Variants in NDUFAF2 observed in about 807,000 individuals in gnomAD.
NDUFAF2 encodes the protein NADH dehydrogenase [ubiquinone] 1 alpha subcomplex assembly factor 2.
Under a neutral mutation model 22.8 loss-of-function variants are expected in NDUFAF2, and 13 were observed. The observed-to-expected ratio is 0.57, with a 90% confidence interval of 0.37 to 0.91. NDUFAF2 has a LOEUF of 0.91. Ranked by LOEUF, NDUFAF2 falls within the 40% of genes least tolerant of loss-of-function variation. NDUFAF2 has a pLI of 0.01. For missense variants in NDUFAF2, 162 were observed against 195.2 expected (o/e 0.83, Z 1.01); for synonymous variants, 53 against 64.2 (o/e 0.83, Z 0.84).
In NDUFAF2 at chr5:61,034,910, A is replaced by ATGTG. The variant is rs200108799; in HGVS notation, c.128-38214_128-38213insGTGT. On this transcript the variant is annotated intron_variant, in intron 1 of 3. Coordinates refer to ENST00000296597, the MANE Select transcript of NDUFAF2 (RefSeq NM_174889.5). Reference sequence around the variant, plus strand: ...TGGGTTTTTTTAGGTAGGCAAATATATATGTGTGTGTGTGTGTGTGTGTGT... The same window carrying ATGTG: ...TGGGTTTTTTTAGGTAGGCAAATATATGTGTATGTGTGTGTGTGTGTGTGTGTGT... Among the ~76,000 whole-genome samples, 310 of 89,474 alleles carry ATGTG rather than the reference A, an allele frequency of 3.5e-3. 1 individual carries two copies. Among genetic ancestry groups the ATGTG allele is most frequent in the South Asian group, 0.022 (55 of 2,484 alleles). 58.7% of individuals were successfully genotyped at this position (89,474 alleles called of 152,430 possible).
At chr5:61,134,203 G>T (rs1324608184) in intron 3 of NDUFAF2, among the ~76,000 whole-genome samples, 1 of 152,050 alleles carries the variant, frequency 6.6e-6, no homozygotes, top group South Asian at 2.1e-4. Flanking sequence ...TGTAAGGGTG[G>T]AGAAAGAGAT....
intron 1 of NDUFAF2, among the ~76,000 whole-genome samples, chr5:60,990,334 G>A (rs1430580227): frequency 6.6e-6 from 1 of 152,042 alleles, no homozygotes; most frequent in Non-Finnish European, 1.5e-5. Context: ...GTCAGGTGAT[G>A]GATATCCTAT....
At chr5:60,968,537 G>GTT (rs1750787233) in intron 1 of NDUFAF2, among the ~76,000 whole-genome samples, 1 of 150,378 alleles carries the variant, frequency 6.6e-6, no homozygotes, top group Admixed American at 6.6e-5. Context: ...TTCCATTTTT[G>GTT]TTTTTTGAAA....
chr5:60,962,688 C>G (rs1031194115), intron 1 of NDUFAF2, among the ~76,000 whole-genome samples: 2 of 151,642 alleles, frequency 1.3e-5, no homozygotes, highest in African/African-American at 4.8e-5. Context: ...AAAAAATTAG[C>G]CAGGCCTGGT....
At chr5:61,040,272 A>G (rs891963092) in intron 1 of NDUFAF2, among the ~76,000 whole-genome samples, 31 of 119,844 alleles carry the variant, frequency 2.6e-4, no homozygotes, top group African/African-American at 1.2e-3. Flanking sequence ...ACACACACAC[A>G]CACACACACA....
At chr5:61,141,019 G>C (rs1482495831) in intron 3 of NDUFAF2, among the ~76,000 whole-genome samples, 1 of 152,140 alleles carries the variant, frequency 6.6e-6, no homozygotes, top group Non-Finnish European at 1.5e-5. Flanking sequence ...ACCTGAGATA[G>C]GAGTTGGAGA....
chr5:60,971,501 A>G (rs1750829454), intron 1 of NDUFAF2, among the ~76,000 whole-genome samples: 1 of 151,658 alleles, frequency 6.6e-6, no homozygotes, highest in African/African-American at 2.4e-5. Context: ...GTTAGCCAGG[A>G]TGGTCTCGAT....
intron 1 of NDUFAF2, among the ~76,000 whole-genome samples, chr5:61,056,912 AAAAAAAAATATATATATATATAT>A (rs1752103007): frequency 2.4e-5 from 1 of 41,190 alleles, no homozygotes; most frequent in African/African-American, 9.0e-5. Flanking sequence ...AAAAAAAAAA[AAAAAAAAATATATATATATATAT>A]ATATATATAT....
intron 3 of NDUFAF2, among the ~76,000 whole-genome samples, chr5:61,122,357 G>T (rs1445803654): frequency 6.6e-6 from 1 of 152,084 alleles, no homozygotes; most frequent in Non-Finnish European, 1.5e-5. Flanking sequence ...CTAATGAACT[G>T]GTATATAAAG....
rs1580127721 is a variant in NDUFAF2 at position 61,085,983 on chromosome 5, T to C, written c.217+12769T>C. Among the ~76,000 whole-genome samples the C allele has an allele frequency of 5.9e-5, 9 of 152,030 alleles. 1 individual carries two copies. In the South Asian group the frequency reaches 1.9e-3, roughly 32 times the overall value. On this transcript the variant is annotated intron_variant, in intron 2 of 3. Transcript: ENST00000296597. ...TAAGCACTTTAGCCAGGTGTGGTGG[T>C]GTGCACCTGTAGTCTTTCCAGCCTA...
At chr5:61,011,643 T>C (rs1751443751) in intron 1 of NDUFAF2, among the ~76,000 whole-genome samples, 1 of 152,086 alleles carries the variant, frequency 6.6e-6, no homozygotes, top group South Asian at 2.1e-4. Context: ...TTCTTCAGCC[T>C]CCCAACAATT....
intron 1 of NDUFAF2, among the ~76,000 whole-genome samples, chr5:60,987,277 A>G (rs995309093): frequency 2.0e-5 from 3 of 152,208 alleles, no homozygotes; most frequent in Non-Finnish European, 2.9e-5. Context: ...AAACTGAATC[A>G]GTAATAAATA....
At chr5:61,029,080 C>T (rs1431180208) in intron 1 of NDUFAF2, among the ~76,000 whole-genome samples, 1 of 152,012 alleles carries the variant, frequency 6.6e-6, no homozygotes, top group Non-Finnish European at 1.5e-5. Flanking sequence ...AAGTGTATAT[C>T]TTTACCCACT....
chr5:61,017,504 C>G (rs527681245), intron 1 of NDUFAF2, among the ~76,000 whole-genome samples: 21 of 142,076 alleles, frequency 1.5e-4, no homozygotes, highest in Admixed American at 1.2e-3. Context: ...TTTCAGAAAG[C>G]AAAAGTGTGG....
At chr5:61,151,005 T>G (rs1741230172) in intron 3 of NDUFAF2, among the ~76,000 whole-genome samples, 1 of 152,190 alleles carries the variant, frequency 6.6e-6, no homozygotes, top group East Asian at 1.9e-4. Context: ...AATTGCTATG[T>G]GTTGTGAAAA....
At chr5:61,066,365 T>C (rs1580119692) in intron 1 of NDUFAF2, among the ~76,000 whole-genome samples, 2 of 152,122 alleles carry the variant, frequency 1.3e-5, no homozygotes, top group East Asian at 3.9e-4. Context: ...ATCCTAAAAT[T>C]TGTATAGAAC....
intron 1 of NDUFAF2, among the ~76,000 whole-genome samples, chr5:60,945,768 G>A (rs1038183775): frequency 6.6e-6 from 1 of 152,252 alleles, no homozygotes; most frequent in Non-Finnish European, 1.5e-5. Context: ...CACCAAAGGG[G>A]CTAGAAGGGC....
chr5:61,063,692 T>C (rs936372389), intron 1 of NDUFAF2, among the ~76,000 whole-genome samples: 1 of 152,106 alleles, frequency 6.6e-6, no homozygotes, highest in Non-Finnish European at 1.5e-5. Flanking sequence ...CCATAAAATA[T>C]GTTATTTAAG....
chr5:60,982,817 G>C (rs1360515286), intron 1 of NDUFAF2, among the ~76,000 whole-genome samples: 10 of 151,938 alleles, frequency 6.6e-5, no homozygotes, highest in Admixed American at 6.6e-4. Flanking sequence ...CATTTGGGTT[G>C]GTCCCAAGTC....
Sources: allele counts gnomAD v4.1 joint callset (sites outside exome capture counted in the v4.1 genomes callset), GRCh38; gene constraint gnomAD v4.1.1; transcripts MANE v1.5; gene names NCBI Gene and HGNC (gene_info 2026-07-23, HGNC 2026-07-21).